CDH4: variants seen among roughly 807,000 people sequenced by gnomAD.
CDH4 encodes the protein cadherin 4, also known as cadherin-4.
In CDH4, 33 loss-of-function variants were observed where a neutral mutation model predicts 86.0. That is an observed-to-expected ratio of 0.38 (90% confidence interval 0.29 to 0.51). The LOEUF (loss-of-function observed/expected upper bound fraction) is 0.51. CDH4 is among the 20% of genes least tolerant of loss of function. The pLI is 0.86. For synonymous variants in CDH4, 555 were observed against 549.4 expected, an observed-to-expected ratio of 1.01 and a Z score of -0.14; for missense variants, 1,114 against 1,307.4, an observed-to-expected ratio of 0.85 and a Z score of 2.28.
intron 3 of CDH4, among the ~76,000 whole-genome samples, chr20:61,765,556 C>T (rs1367866903): frequency 1.3e-5 from 2 of 152,128 alleles, no homozygotes; most frequent in South Asian, 2.1e-4. Context: ...AGCCTTAGGG[C>T]GTAAGGAGAG....
intron 2 of CDH4, among the ~76,000 whole-genome samples, chr20:61,696,418 G>T (rs955864021): frequency 2.0e-5 from 3 of 152,238 alleles, no homozygotes; most frequent in East Asian, 3.9e-4. Flanking sequence ...GCTAGAGAGG[G>T]GCGGGAATGG....
Position 61,895,022 on chromosome 20 carries a change from A to G in CDH4, c.1163A>G (p.Asn388Ser). The change falls in exon 8 of 16, where the codon AAC becomes AGC. Residue 388 changes from asparagine (N) to serine (S), a missense_variant. Asn to Ser is a conservative substitution (Grantham distance 46). Coordinates refer to ENST00000614565, the MANE Select transcript of CDH4 (RefSeq NM_001794.5). ...AIITVTDVNDNPPEFTASTFA... is the reference protein window; with the variant it reads ...AIITVTDVNDSPPEFTASTFA... ...ATCACGGTGACAGATGTGAATGACAACCCGCCAGAATTTACCGCCAGCACG... is the reference window on the plus strand; with the variant it reads ...ATCACGGTGACAGATGTGAATGACAGCCCGCCAGAATTTACCGCCAGCACG... The G allele has an allele frequency of 6.2e-7, 1 of 1,613,644 alleles. No individual in the cohort carries two copies. Among genetic ancestry groups the G allele is most frequent in the Non-Finnish European group, 8.5e-7 (1 of 1,179,936 alleles).
At chr20:61,815,861 G>C (rs1189783412) in intron 4 of CDH4, among the ~76,000 whole-genome samples, 2 of 152,246 alleles carry the variant, frequency 1.3e-5, no homozygotes, top group African/African-American at 4.8e-5. Context: ...AACCAGGACT[G>C]TGTTTATCTG....
At chr20:61,910,906 A>T (rs1286808664) in intron 9 of CDH4, among the ~76,000 whole-genome samples, 1 of 152,164 alleles carries the variant, frequency 6.6e-6, no homozygotes, top group African/African-American at 2.4e-5. Flanking sequence ...AGAATTCCTA[A>T]TGTTAAACCA....
Position 61,902,313 on chromosome 20 carries a change from C to T in CDH4, c.1188+7266C>T, listed in dbSNP as rs1269996936. ...CCCGGGGCCTCCATTCCAGGAGAAGCAGCCTCACTCTGCCCTTCACCAGCC... is the reference window on the plus strand; with the variant it reads ...CCCGGGGCCTCCATTCCAGGAGAAGTAGCCTCACTCTGCCCTTCACCAGCC... On this transcript the variant is annotated intron_variant, in intron 8 of 15. Coordinates refer to ENST00000614565, the MANE Select transcript of CDH4 (RefSeq NM_001794.5). The surrounding 1 kb of genome is among the most constrained non-coding windows in gnomAD (Gnocchi z 4.6). Among the ~76,000 whole-genome samples, 4 of 152,264 alleles carry T rather than the reference C, an allele frequency of 2.6e-5. No homozygotes were observed. The highest frequency in any genetic ancestry group is 2.0e-4 in the Admixed American group (3 of 15,288).
chr20:61,866,761 A>C (rs1211024792), intron 6 of CDH4, among the ~76,000 whole-genome samples: 1 of 152,092 alleles, frequency 6.6e-6, no homozygotes, highest in African/African-American at 2.4e-5. Context: ...AGTGTGTTTT[A>C]TTTCTGCATC....
intron 2 of CDH4, among the ~76,000 whole-genome samples, chr20:61,690,422 G>A (rs1035994925): frequency 7.9e-5 from 12 of 152,136 alleles, no homozygotes; most frequent in African/African-American, 2.9e-4. Flanking sequence ...TCAGCCCCAG[G>A]GTAGCCCAGG....
chr20:61,741,301 G>C (rs914979943), intron 2 of CDH4, among the ~76,000 whole-genome samples: 1 of 152,306 alleles, frequency 6.6e-6, no homozygotes, highest in East Asian at 1.9e-4. Context: ...CACCCACGGA[G>C]CTGCCTTTGA....
chr20:61,307,953 T>C (rs1337106835), intron 2 of CDH4, among the ~76,000 whole-genome samples: 1 of 152,224 alleles, frequency 6.6e-6, no homozygotes, highest in Non-Finnish European at 1.5e-5. Context: ...TCACTAGTGG[T>C]GTCACCGTAG....
At chr20:61,329,848 C>A (rs568981675) in intron 2 of CDH4, among the ~76,000 whole-genome samples, 15 of 102,342 alleles carry the variant, frequency 1.5e-4, no homozygotes, top group South Asian at 6.5e-4. Context: ...CCCTCCCCCC[C>A]ACCCCATCCC....
chr20:61,725,737 G>A (rs188636740), intron 2 of CDH4, among the ~76,000 whole-genome samples: 1 of 152,026 alleles, frequency 6.6e-6, no homozygotes, highest in East Asian at 1.9e-4. Context: ...GAGACACAAG[G>A]GGGGAGGAGG....
chr20:61,708,736 C>T lies in CDH4; in HGVS notation c.170-34827C>T, dbSNP rs1301567424. Among the ~76,000 whole-genome samples, 1 of 152,186 alleles carries T rather than the reference C, an allele frequency of 6.6e-6. No homozygotes were observed. The highest frequency in any genetic ancestry group is 1.5e-5 in the Non-Finnish European group (1 of 68,044). On this transcript the variant is annotated intron_variant, in intron 2 of 15. Transcript: ENST00000614565. The surrounding 1 kb of genome is among the most constrained non-coding windows in gnomAD (Gnocchi z 4.5). Reference sequence around the variant, plus strand: ...TCCTCCCCAGCCTCACATGAGGCGGCGCTGCCTCTGCGGAGGCCCCTTCTC... The same window carrying T: ...TCCTCCCCAGCCTCACATGAGGCGGTGCTGCCTCTGCGGAGGCCCCTTCTC...
chr20:61,925,950 C>T (rs566138771), intron 11 of CDH4, among the ~76,000 whole-genome samples: 15 of 152,334 alleles, frequency 9.8e-5, no homozygotes, highest in Non-Finnish European at 1.2e-4. Flanking sequence ...ATGCAGCCAC[C>T]CCCAGCTGCA....
chr20:61,875,434 T>C (rs182810200), intron 7 of CDH4, among the ~76,000 whole-genome samples: 7 of 152,100 alleles, frequency 4.6e-5, no homozygotes, highest in Non-Finnish European at 1.0e-4. Flanking sequence ...GCAGAGGACG[T>C]TGTCAGCCCC....
At chr20:61,758,925 C>T (rs955953984) in intron 3 of CDH4, among the ~76,000 whole-genome samples, 1 of 152,130 alleles carries the variant, frequency 6.6e-6, no homozygotes, top group African/African-American at 2.4e-5. Flanking sequence ...GTGTGTGCAC[C>T]TGTGTGCATG....
intron 4 of CDH4, among the ~76,000 whole-genome samples, chr20:61,828,763 T>TAA (rs1981444723): frequency 6.6e-6 from 1 of 152,238 alleles, no homozygotes; most frequent in Non-Finnish European, 1.5e-5. Flanking sequence ...TCCTCACTTA[T>TAA]AAGCTAGGCA....
rs117293923 is a variant in CDH4 at position 61,932,761 on chromosome 20, C to G, written c.2240-224C>G. Among the ~76,000 whole-genome samples the G allele has an allele frequency of 5.7e-4, 87 of 152,362 alleles. 4 individuals carry two copies. In the East Asian group the frequency reaches 0.017, roughly 29 times the overall value. On this transcript the variant is annotated intron_variant, in intron 13 of 15. Coordinates refer to ENST00000614565, the MANE Select transcript of CDH4 (RefSeq NM_001794.5). ...CATGAAGCACCTACATCCACGAATG[C>G]ACACGCACGTGGGCCGCACATGTGC... is the stretch of plus-strand genomic sequence containing the variant.
In CDH4 at chr20:61,873,769, A is replaced by G. The variant is rs1280772558; in HGVS notation, c.919A>G (p.Ser307Gly). 6.2e-7 allele frequency: 1 copy of G among 1,613,974 alleles called. No homozygotes were observed. Residue 307 changes from serine to glycine, a missense_variant, in exon 7 of 16, where the codon AGC becomes GGC. This residue lies in a region of CDH4 where 705 missense variants were observed against 914.1 expected (regional missense o/e 0.77). Transcript: ENST00000614565. ...CGTCACGGCCAACGATGCTGACGAC[A>G]GCACCACGGCCAACGGGATGGTGCG... ...MTVTANDADD[S>G]TTANGMVRYR...
At chr20:61,744,511 GGGAGAGGAAGA>G (rs1235206621) in intron 3 of CDH4, among the ~76,000 whole-genome samples, 1 of 9,004 alleles carries the variant, frequency 1.1e-4, no homozygotes, top group Non-Finnish European at 2.1e-4. Flanking sequence ...GGAAAGGGAG[GGGAGAGGAAGA>G]GAGGGAGAGA....
Sources: gnomAD v4.1 joint callset for allele counts (sites outside exome capture counted in the v4.1 genomes callset) on GRCh38, gnomAD v4.1.1 for gene constraint, gnomAD v4.1.1 regional missense constraint, Gnocchi (gnomAD v3.1) non-coding constraint, MANE v1.5 for transcripts, NCBI Gene and HGNC (gene_info 2026-07-23, HGNC 2026-07-21) for gene names.